The following FYCO1 variants were observed in gnomAD, a reference collection of about 807,000 sequenced individuals.
FYCO1 encodes the protein FYVE and coiled-coil domain autophagy adaptor 1, also known as FYVE and coiled-coil domain-containing protein 1.
Under a neutral mutation model 165.1 loss-of-function variants are expected in FYCO1, and 122 were observed. That is an observed-to-expected ratio of 0.74 (90% CI 0.64 to 0.86). The LOEUF (loss-of-function observed/expected upper bound fraction) is 0.86. FYCO1 is among the 40% of genes least tolerant of loss of function. The pLI, the probability that FYCO1 is intolerant of heterozygous loss-of-function variation, is 0.00. For missense variants in FYCO1, 1,702 were observed against 1,810.3 expected (o/e 0.94, Z 1.09); for synonymous variants, 648 against 742.5 (o/e 0.87, Z 2.07).
chr3:45,957,064 G>C (rs1250663769), intron 13 of FYCO1, among the ~76,000 whole-genome samples: 4 of 152,160 alleles, frequency 2.6e-5, no homozygotes, highest in African/African-American at 9.7e-5. Context: ...TAGAATAAAA[G>C]TCCAGATATA....
chr3:45,976,977 T>C (rs769806040), intron 4 of FYCO1, among the ~76,000 whole-genome samples: 2 of 152,170 alleles, frequency 1.3e-5, no homozygotes, highest in Non-Finnish European at 2.9e-5. Context: ...AAAACCACCA[T>C]GACATGTCTG....
intron 6 of FYCO1, 76 bp downstream of exon 6, chr3:45,973,012 A>T (rs1706529438): frequency 1.0e-5 from 16 of 1,525,224 alleles, no homozygotes; most frequent in Non-Finnish European, 1.3e-5. Flanking sequence ...AATTGTTTTG[A>T]GTAGACTGGT....
intron 5 of FYCO1, among the ~76,000 whole-genome samples, chr3:45,974,267 G>T (rs780267019): frequency 3.9e-5 from 6 of 152,094 alleles, no homozygotes; most frequent in Non-Finnish European, 8.8e-5. Flanking sequence ...CCAGCTACTC[G>T]AAGGCTGAGG....
In FYCO1 at chr3:45,964,332, T is replaced by A. The variant is rs201087640; in HGVS notation, c.3269+4A>T. 7 of 1,609,942 alleles carry A rather than the reference T, an allele frequency of 4.3e-6. No homozygotes were observed. The highest frequency in any genetic ancestry group is 1.6e-4 in the Middle Eastern group (1 of 6,080). On this transcript the variant is annotated splice_donor_region_variant and intron_variant, in intron 10 of 17. Coordinates refer to ENST00000296137, the MANE Select transcript of FYCO1 (RefSeq NM_024513.4). This position sits in a 1 kb window ranked among gnomAD's most constrained non-coding sequence, Gnocchi z 4.1. Reference sequence around the variant, plus strand: ...GACAGCTACGTAGGTGGACTGTGACTAACCTTTCTAGGTCTTCACGCAGGG... The same window carrying A: ...GACAGCTACGTAGGTGGACTGTGACAAACCTTTCTAGGTCTTCACGCAGGG...
Position 45,988,666 on chromosome 3 carries a change from T to C in FYCO1, c.-112-3644A>G, listed in dbSNP as rs80281389. Among the ~76,000 whole-genome samples the C allele has an allele frequency of 2.7e-3, 416 of 152,348 alleles. 3 individuals carry two copies. Among genetic ancestry groups the C allele is most frequent in the African/African-American group, 9.4e-3 (392 of 41,582 alleles). On this transcript the variant is annotated intron_variant, in intron 1 of 17. Transcript: ENST00000296137. Reference sequence around the variant, plus strand: ...TCAAATATCAGAGAAATGCGTTTTATAAAATCTTTGGAAGCATTGAATTTC... The same window carrying C: ...TCAAATATCAGAGAAATGCGTTTTACAAAATCTTTGGAAGCATTGAATTTC...
intron 7 of FYCO1, among the ~76,000 whole-genome samples, chr3:45,969,374 T>C (rs1706291889): frequency 6.6e-6 from 1 of 152,220 alleles, no homozygotes; most frequent in African/African-American, 2.4e-5. Flanking sequence ...TTAAGTAATT[T>C]CCCCTTGGTC....
chr3:45,995,162 T>A (rs1309009290), intron 1 of FYCO1, among the ~76,000 whole-genome samples: 1 of 147,534 alleles, frequency 6.8e-6, no homozygotes, highest in East Asian at 2.0e-4. Flanking sequence ...CTCGAGACCC[T>A]GCGCATGGGC....
intron 16 of FYCO1, among the ~76,000 whole-genome samples, chr3:45,928,537 G>A (rs530548930): frequency 4.6e-5 from 7 of 152,240 alleles, no homozygotes; most frequent in Non-Finnish European, 1.0e-4. Flanking sequence ...GGTCTGGAGA[G>A]AGGGTGGCAC....
At chr3:45,942,909 T>C (rs1451770034) in intron 14 of FYCO1, among the ~76,000 whole-genome samples, 1 of 152,188 alleles carries the variant, frequency 6.6e-6, no homozygotes, top group Non-Finnish European at 1.5e-5. Flanking sequence ...ATGCTGTTGA[T>C]TGGTCTGGTA....
chr3:45,981,918 T>G (rs1199560743), intron 2 of FYCO1, among the ~76,000 whole-genome samples: 4 of 152,248 alleles, frequency 2.6e-5, no homozygotes, highest in African/African-American at 9.6e-5. Flanking sequence ...CACCCTTGTC[T>G]GTCCACCACC....
At chr3:45,988,618 G>A (rs1559469980) in intron 1 of FYCO1, among the ~76,000 whole-genome samples, 1 of 152,122 alleles carries the variant, frequency 6.6e-6, no homozygotes, top group Non-Finnish European at 1.5e-5. Flanking sequence ...AAAAACCTTC[G>A]TTGCTGTCTC....
chr3:45,959,523 GC>G lies in FYCO1; in HGVS notation c.3456del (p.Trp1152CysfsTer61). The part of the protein sequence containing the change: ...IELLRDKDAL[W>X]QKSDALEFQQ... ...TGGAATTCCAGGGCATCTGACTTCT[GC>G]CAGAGAGCATCCTTGTCCCTGGGAC... On this transcript the variant is annotated frameshift_variant, in exon 12 of 18. Transcript: ENST00000296137. LOFTEE classifies it high-confidence loss of function. 1.2e-6 allele frequency: 2 copies of G among 1,614,158 alleles called. No individual in the cohort carries two copies. The highest frequency in any genetic ancestry group is 1.7e-6 in the Non-Finnish European group (2 of 1,180,030).
At chr3:45,985,460 C>A (rs1407793500) in intron 1 of FYCO1, among the ~76,000 whole-genome samples, 1 of 152,228 alleles carries the variant, frequency 6.6e-6, no homozygotes, top group African/African-American at 2.4e-5. Context: ...CCCTCTCCAC[C>A]TTTCTTTCTC....
intron 13 of FYCO1, 41 bp from the exon 14 acceptor site, chr3:45,955,434 C>T: frequency 1.2e-6 from 2 of 1,612,172 alleles, no homozygotes; most frequent in Non-Finnish European, 1.7e-6. Flanking sequence ...AGACACAACA[C>T]ACTGTTATGC....
At chr3:45,987,251 G>C (rs1448738428) in intron 1 of FYCO1, among the ~76,000 whole-genome samples, 1 of 152,200 alleles carries the variant, frequency 6.6e-6, no homozygotes, top group Non-Finnish European at 1.5e-5. Context: ...TGACTACAAA[G>C]GAGCACAGGA....
chr3:45,923,627 C>T (rs568719935), intron 17 of FYCO1, 29 bp downstream of exon 17: 32 of 1,374,922 alleles, frequency 2.3e-5, no homozygotes, highest in South Asian at 4.6e-5. Flanking sequence ...GGCCTGGAGA[C>T]GTGGAGCTGG....
At chr3:45,956,694 G>C (rs531311153) in intron 13 of FYCO1, among the ~76,000 whole-genome samples, 95 of 152,288 alleles carry the variant, frequency 6.2e-4, no homozygotes, top group African/African-American at 2.2e-3. Context: ...GGCTGGCAGA[G>C]GGAAGGGAAA....
chr3:45,949,471 T>C (rs1704855975), intron 14 of FYCO1, among the ~76,000 whole-genome samples: 1 of 152,026 alleles, frequency 6.6e-6, no homozygotes, highest in Non-Finnish European at 1.5e-5. Flanking sequence ...CGAGTCCCCA[T>C]GGAGAGATGC....
chr3:45,954,692 G>T (rs550666476), intron 14 of FYCO1, among the ~76,000 whole-genome samples: 1 of 152,310 alleles, frequency 6.6e-6, no homozygotes, highest in East Asian at 1.9e-4. Flanking sequence ...GTAGAGGAAT[G>T]ATTAAGTTAA....
Sources: gnomAD v4.1 joint callset for allele counts (sites outside exome capture counted in the v4.1 genomes callset) on GRCh38, gnomAD v4.1.1 for gene constraint, Gnocchi (gnomAD v3.1) non-coding constraint, MANE v1.5 for transcripts, NCBI Gene and HGNC (gene_info 2026-07-23, HGNC 2026-07-21) for gene names.